Variants in MDGA2 observed in about 807,000 individuals in gnomAD.
MDGA2 encodes MAM domain-containing glycosylphosphatidylinositol anchor protein 2.
Under a neutral mutation model 117.8 loss-of-function variants are expected in MDGA2, and 40 were observed. The observed-to-expected ratio is 0.34, with a 90% CI of 0.26 to 0.44. MDGA2 has a LOEUF of 0.44. Among genes scored for constraint, MDGA2 ranks in the 20% least tolerant of loss-of-function variants. MDGA2 has a pLI of 1.00. For synonymous variants in MDGA2, 452 were observed against 439.0 expected (o/e 1.03, Z -0.37); for missense variants, 1,123 against 1,250.6 (o/e 0.90, Z 1.54).
intron 6 of MDGA2, among the ~76,000 whole-genome samples, chr14:47,068,741 T>C (rs1259358468): frequency 1.3e-5 from 2 of 152,156 alleles, no homozygotes; most frequent in Non-Finnish European, 2.9e-5. Context: ...TTTAGAAAGA[T>C]TGGTACAAAA....
At chr14:47,003,846 A>T (rs1887619794) in intron 8 of MDGA2, among the ~76,000 whole-genome samples, 1 of 151,984 alleles carries the variant, frequency 6.6e-6, no homozygotes, top group Non-Finnish European at 1.5e-5. Context: ...TTAAGAAATT[A>T]TGAAATCATA....
At chr14:47,524,592 A>G (rs1288233701) in intron 1 of MDGA2, among the ~76,000 whole-genome samples, 2 of 152,214 alleles carry the variant, frequency 1.3e-5, no homozygotes, top group Non-Finnish European at 2.9e-5. Flanking sequence ...AAAAGGAATA[A>G]AATACCCATT....
At chr14:47,395,370 C>T (rs547631297) in intron 1 of MDGA2, among the ~76,000 whole-genome samples, 46 of 152,184 alleles carry the variant, frequency 3.0e-4, no homozygotes, top group African/African-American at 9.9e-4. Flanking sequence ...TACTTCCCCA[C>T]AGTGTTCTTC....
chr14:47,524,023 T>C (rs1349901318), intron 1 of MDGA2, among the ~76,000 whole-genome samples: 2 of 152,190 alleles, frequency 1.3e-5, no homozygotes, highest in East Asian at 3.9e-4. Context: ...CTGAGGTATG[T>C]GGTATTTCTT....
At chr14:47,560,234 AT>A (rs879285701) in intron 1 of MDGA2, among the ~76,000 whole-genome samples, 19 of 149,038 alleles carry the variant, frequency 1.3e-4, no homozygotes, top group African/African-American at 3.0e-4. Flanking sequence ...CGCCCGACTA[AT>A]TTTTTTTTTG....
At chr14:47,300,332 A>C (rs907627297) in intron 2 of MDGA2, among the ~76,000 whole-genome samples, 1 of 152,228 alleles carries the variant, frequency 6.6e-6, no homozygotes, top group Non-Finnish European at 1.5e-5. Flanking sequence ...ATTTTGAGCT[A>C]GTAAGGTCAT....
At chr14:47,197,242 G>A (rs1273473312) in intron 3 of MDGA2, among the ~76,000 whole-genome samples, 2 of 152,066 alleles carry the variant, frequency 1.3e-5, no homozygotes, top group Non-Finnish European at 2.9e-5. Context: ...TCTCAACCCC[G>A]AATGATATGG....
chr14:47,434,655 A>T (rs1892862542), intron 1 of MDGA2, among the ~76,000 whole-genome samples: 1 of 152,162 alleles, frequency 6.6e-6, no homozygotes, highest in South Asian at 2.1e-4. Flanking sequence ...GTACATCACA[A>T]AGATATATGG....
At chr14:47,152,539 A>G (rs976821032) in intron 3 of MDGA2, among the ~76,000 whole-genome samples, 2 of 152,198 alleles carry the variant, frequency 1.3e-5, no homozygotes, top group African/African-American at 4.8e-5. Flanking sequence ...TATATGTAAC[A>G]CGATGAGTAT....
rs769959385 is a variant in MDGA2, at chr14:47,531,850, G to A, written c.280+142667C>T. ...AATTTGAAAACATGTATTCTATTTG[G>A]TTCAGAGAATTGTGTGCATTTATAT... is the stretch of plus-strand genomic sequence containing the variant. On this transcript the variant is annotated intron_variant, in intron 1 of 16. Transcript: ENST00000399232. 2.6e-5 allele frequency among the ~76,000 whole-genome samples: 4 copies of A among 152,154 alleles called. No homozygotes were observed. In the South Asian group the frequency reaches 8.3e-4, roughly 31 times the overall value.
intron 3 of MDGA2, among the ~76,000 whole-genome samples, chr14:47,189,828 T>G (rs545023685): frequency 1.3e-5 from 2 of 152,172 alleles, no homozygotes; most frequent in Non-Finnish European, 2.9e-5. Context: ...GGACTTAATA[T>G]ATCTAAAATC....
At chr14:47,323,878 C>T (rs1890061168) in intron 1 of MDGA2, among the ~76,000 whole-genome samples, 1 of 152,128 alleles carries the variant, frequency 6.6e-6, no homozygotes, top group Admixed American at 6.6e-5. Context: ...AAAAACAAAT[C>T]TTAAGTAACT....
intron 6 of MDGA2, among the ~76,000 whole-genome samples, chr14:47,078,661 T>C (rs1890587084): frequency 6.6e-6 from 1 of 152,144 alleles, no homozygotes; most frequent in African/African-American, 2.4e-5. Context: ...AGAAATAAAA[T>C]AATCTTTCAA....
At chr14:47,528,065 C>G (rs1045662199) in intron 1 of MDGA2, among the ~76,000 whole-genome samples, 1 of 152,126 alleles carries the variant, frequency 6.6e-6, no homozygotes, top group South Asian at 2.1e-4. Context: ...ATACGATTAC[C>G]CTTGACCTTT....
chr14:46,865,504 C>A (rs1276508031), intron 14 of MDGA2, among the ~76,000 whole-genome samples: 1 of 152,128 alleles, frequency 6.6e-6, no homozygotes, highest in Non-Finnish European at 1.5e-5. Context: ...CCTCTCTCAC[C>A]AGTCCTATTC....
intron 10 of MDGA2, among the ~76,000 whole-genome samples, chr14:46,890,627 A>T (rs112084331): frequency 0.016 from 2,441 of 152,018 alleles, 33 homozygotes; most frequent in Non-Finnish European, 0.024. Flanking sequence ...TTCTTCCCTC[A>T]CCTATCTTAG....
At chr14:47,645,793 C>T (rs1324694911) in intron 1 of MDGA2, among the ~76,000 whole-genome samples, 1 of 151,764 alleles carries the variant, frequency 6.6e-6, no homozygotes, top group Non-Finnish European at 1.5e-5. Context: ...AGAAAACTGG[C>T]TGGGCGCGGT....
chr14:47,657,957 T>G (rs539182379), intron 1 of MDGA2, among the ~76,000 whole-genome samples: 1 of 152,272 alleles, frequency 6.6e-6, no homozygotes, highest in East Asian at 1.9e-4. Flanking sequence ...GGAGACAGTG[T>G]AGTATCCTCA....
chr14:47,469,328 C>G (rs1165033235), intron 1 of MDGA2, among the ~76,000 whole-genome samples: 1 of 152,090 alleles, frequency 6.6e-6, no homozygotes, highest in African/African-American at 2.4e-5. Context: ...ACAACAGGCC[C>G]TGGTGTGTGA....
Sources: gnomAD v4.1 joint callset for allele counts (sites outside exome capture counted in the v4.1 genomes callset) on GRCh38, gnomAD v4.1.1 for gene constraint, MANE v1.5 for transcripts, NCBI Gene and HGNC (gene_info 2026-07-23, HGNC 2026-07-21) for gene names.